TAFA4: variants seen among roughly 807,000 people sequenced by gnomAD.
TAFA4 encodes the protein chemokine-like protein TAFA-4.
A neutral mutation model predicts 21.1 loss-of-function variants in TAFA4; 20 were observed. That is an observed-to-expected ratio of 0.95 (90% CI 0.67 to 1.38). The LOEUF is 1.38. TAFA4 is among the 40% of genes most tolerant of loss of function. TAFA4 has a pLI of 0.00. For synonymous variants in TAFA4, 71 were observed against 67.4 expected (o/e 1.05, Z -0.26); for missense variants, 211 against 180.9 (o/e 1.17, Z -0.95).
chr3:68,819,041 G>A (rs946491252), intron 3 of TAFA4, among the ~76,000 whole-genome samples: 1 of 152,144 alleles, frequency 6.6e-6, no homozygotes, highest in Non-Finnish European at 1.5e-5. Context: ...GGGAGGCCAA[G>A]GCAGGTGGAT....
chr3:68,822,047 T>C (rs1161414538), intron 3 of TAFA4, among the ~76,000 whole-genome samples: 1 of 152,206 alleles, frequency 6.6e-6, no homozygotes, highest in Admixed American at 6.5e-5. Context: ...TTGCTCTTTT[T>C]ATATGGCAGG....
At chr3:68,822,307 C>G (rs925336418) in intron 3 of TAFA4, among the ~76,000 whole-genome samples, 2 of 152,286 alleles carry the variant, frequency 1.3e-5, no homozygotes, top group Non-Finnish European at 1.5e-5. Flanking sequence ...ATAAGCTACT[C>G]TATTATGAAC....
At chr3:68,779,910 G>T (rs988125526) in intron 3 of TAFA4, among the ~76,000 whole-genome samples, 1 of 152,196 alleles carries the variant, frequency 6.6e-6, no homozygotes, top group Non-Finnish European at 1.5e-5. Context: ...TGGAAAAGCT[G>T]CAGACACTCA....
chr3:68,930,168 T>A (rs1257209838), intron 1 of TAFA4, among the ~76,000 whole-genome samples: 1 of 152,100 alleles, frequency 6.6e-6, no homozygotes, highest in Non-Finnish European at 1.5e-5. Context: ...TGGAACTAGG[T>A]CATCAAACAA....
At chr3:68,772,489 G>A (rs1702976412) in intron 3 of TAFA4, among the ~76,000 whole-genome samples, 1 of 152,142 alleles carries the variant, frequency 6.6e-6, no homozygotes, top group Admixed American at 6.5e-5. Flanking sequence ...TCACTCTCCT[G>A]GATCTGGGAC....
chr3:68,812,077 C>T (rs1415583389), intron 3 of TAFA4, among the ~76,000 whole-genome samples: 6 of 152,132 alleles, frequency 3.9e-5, no homozygotes, highest in African/African-American at 1.4e-4. Context: ...CCAAACTAAG[C>T]TTCATAAGTG....
At chr3:68,766,625 GA>G in intron 3 of TAFA4, among the ~76,000 whole-genome samples, 1 of 150,662 alleles carries the variant, frequency 6.6e-6, no homozygotes, top group East Asian at 1.9e-4. Context: ...AAAATACTTA[GA>G]GAAACAATCC....
chr3:68,878,831 G>A (rs1355170682), intron 3 of TAFA4, among the ~76,000 whole-genome samples: 2 of 152,096 alleles, frequency 1.3e-5, no homozygotes, highest in African/African-American at 4.8e-5. Context: ...TCAAGAAAGA[G>A]TCTCACCACC....
rs1703582151 is a variant in TAFA4, at chr3:68,801,685, T to C, written c.131-48667A>G. ...TTAAAAGACCGAACAGTAAATATTTTAGGCTTTAGAGGCCAAACTGCAAAA... is the reference window on the plus strand; with the variant it reads ...TTAAAAGACCGAACAGTAAATATTTCAGGCTTTAGAGGCCAAACTGCAAAA... On this transcript the variant is annotated intron_variant, in intron 3 of 5. Coordinates refer to ENST00000295569, the MANE Select transcript of TAFA4 (RefSeq NM_182522.5). Among the ~76,000 whole-genome samples, 4 of 152,222 alleles carry C rather than the reference T, an allele frequency of 2.6e-5. No individual in the cohort carries two copies. The South Asian group carries it at 8.3e-4, about 31-fold the overall frequency.
At chr3:68,738,955 A>G (rs890569714) in intron 5 of TAFA4, 120 bp downstream of exon 5, 21 of 1,405,062 alleles carry the variant, frequency 1.5e-5, no homozygotes, top group Non-Finnish European at 2.0e-5. Context: ...GTAAGGTAGC[A>G]CTGCCCAAGC....
chr3:68,794,082 A>C (rs1249079668), intron 3 of TAFA4, among the ~76,000 whole-genome samples: 1 of 152,216 alleles, frequency 6.6e-6, no homozygotes, highest in Non-Finnish European at 1.5e-5. Flanking sequence ...CTCTCTTTAG[A>C]ATAAAAGGAT....
At chr3:68,834,005 C>A (rs907575412) in intron 3 of TAFA4, among the ~76,000 whole-genome samples, 3 of 152,218 alleles carry the variant, frequency 2.0e-5, no homozygotes, top group Non-Finnish European at 2.9e-5. Context: ...ATATTCCCAA[C>A]TCTTCATGCT....
intron 1 of TAFA4, among the ~76,000 whole-genome samples, chr3:68,892,924 T>A (rs768950279): frequency 2.8e-4 from 43 of 152,198 alleles, no homozygotes; most frequent in Non-Finnish European, 5.9e-4. Context: ...TAAAATAAAA[T>A]GCGCTCACCA....
chr3:68,775,329 G>C (rs1422432839), intron 3 of TAFA4, among the ~76,000 whole-genome samples: 1 of 152,098 alleles, frequency 6.6e-6, no homozygotes, highest in Non-Finnish European at 1.5e-5. Flanking sequence ...AGCTGTCACT[G>C]TGAAATAGGC....
At chr3:68,814,233 A>C (rs1418344497) in intron 3 of TAFA4, among the ~76,000 whole-genome samples, 2 of 152,204 alleles carry the variant, frequency 1.3e-5, no homozygotes, top group Non-Finnish European at 2.9e-5. Context: ...AAAAATGGGA[A>C]GCATTCCCTT....
intron 3 of TAFA4, among the ~76,000 whole-genome samples, chr3:68,842,640 T>C (rs1704691305): frequency 6.6e-6 from 1 of 152,236 alleles, no homozygotes; most frequent in Admixed American, 6.5e-5. Context: ...CTGAGTAGTA[T>C]TGCCTAGGTT....
intron 3 of TAFA4, among the ~76,000 whole-genome samples, chr3:68,804,699 G>C (rs1295752281): frequency 2.6e-5 from 4 of 152,128 alleles, no homozygotes; most frequent in South Asian, 2.1e-4. Flanking sequence ...ACAAGCAATG[G>C]GGAAAGGATT....
chr3:68,915,208 G>C (rs763921377), intron 1 of TAFA4, among the ~76,000 whole-genome samples: 3 of 152,138 alleles, frequency 2.0e-5, no homozygotes, highest in Non-Finnish European at 4.4e-5. Context: ...TCCAAATTCT[G>C]AAGCCCAGTG....
intron 3 of TAFA4, among the ~76,000 whole-genome samples, chr3:68,784,265 T>G (rs1476952003): frequency 2.0e-5 from 3 of 152,210 alleles, no homozygotes; most frequent in Admixed American, 2.0e-4. Context: ...AATATTGCAA[T>G]AAAATACTAG....
Sources: gnomAD v4.1 joint callset for allele counts (sites outside exome capture counted in the v4.1 genomes callset) on GRCh38, gnomAD v4.1.1 for gene constraint, MANE v1.5 for transcripts, NCBI Gene and HGNC (gene_info 2026-07-23, HGNC 2026-07-21) for gene names.